COL4A6: variants seen among roughly 807,000 people sequenced by gnomAD.
COL4A6 encodes the protein collagen type IV alpha 6 chain, also known as collagen alpha-6(IV) chain.
In COL4A6, 59 loss-of-function variants were observed where a neutral mutation model predicts 126.7. The observed-to-expected ratio is 0.47, with a 90% CI of 0.38 to 0.58. COL4A6 has a LOEUF of 0.58. Ranked by LOEUF, COL4A6 falls within the 20% of genes least tolerant of loss-of-function variation. The probability of loss-of-function intolerance (pLI) is 0.00; values close to 1 mark genes in which losing one functional copy is unlikely to be tolerated. For synonymous variants in COL4A6, 547 were observed against 496.6 expected, an observed-to-expected ratio of 1.10 and a Z score of -1.35; for missense variants, 1,285 against 1,337.3, an observed-to-expected ratio of 0.96 and a Z score of 0.61.
chrX:108,382,954 C>T (rs2040590539), intron 2 of COL4A6, among the ~76,000 whole-genome samples: 1 of 44,743 alleles, frequency 2.2e-5, no homozygotes, highest in Non-Finnish European at 4.9e-5. Context: ...TCTCCATTCC[C>T]CCGCCAAAAA....
In COL4A6 at chrX:108,383,810, A is replaced by G. The variant is rs1009972786; in HGVS notation, c.63+54132T>C. 8 of 504,036 alleles carry G rather than the reference A, an allele frequency of 1.6e-5. No individual in the cohort carries two copies. In the African/African-American group the frequency reaches 1.9e-4, roughly 12 times the overall value. The allele number at this position is 504,036 out of a possible 1,213,427, so 41.5% of individuals were successfully genotyped here. ...GGAAGTAATGGAAACTCAAAACAATATGAGATTTTCAAAGGATCCCTCAAA... is the reference window on the plus strand; with the variant it reads ...GGAAGTAATGGAAACTCAAAACAATGTGAGATTTTCAAAGGATCCCTCAAA... On this transcript the variant is annotated intron_variant, in intron 2 of 44. Transcript: ENST00000334504.
Position 108,205,368 on chromosome X carries a change from C to T in COL4A6, c.687+71G>A, listed in dbSNP as rs1342709719. 1.2e-5 allele frequency: 10 copies of T among 851,937 alleles called. No homozygotes were observed. The Admixed American group carries it at 1.4e-4, about 12-fold the overall frequency. 70.2% of individuals were successfully genotyped at this position (851,937 alleles called of 1,213,427 possible). A position where few individuals can be genotyped will look rare whatever the true frequency, so the allele number is the denominator to read the frequency against. On this transcript the variant is annotated intron_variant, in intron 11 of 44. Transcript: ENST00000334504. Reference sequence around the variant, plus strand: ...AAACAAATCCTCTTACACAAGCAGGCACATGTGTGTAATCAGACACATTTC... The same window carrying T: ...AAACAAATCCTCTTACACAAGCAGGTACATGTGTGTAATCAGACACATTTC...
intron 2 of COL4A6, among the ~76,000 whole-genome samples, chrX:108,336,438 A>G (rs1474123597): frequency 1.8e-5 from 2 of 111,571 alleles, no homozygotes; most frequent in African/African-American, 6.5e-5. Context: ...GAAAGACTAA[A>G]TCCATAGAGA....
chrX:108,250,571 G>A (rs947361616), intron 3 of COL4A6, among the ~76,000 whole-genome samples: 7 of 110,279 alleles, frequency 6.3e-5, no homozygotes, highest in African/African-American at 2.3e-4. Context: ...AATCTCGGGA[G>A]GACAGGGCCC....
At position 108,169,582 on chromosome X, in the gene COL4A6, G is replaced by A; in HGVS notation, c.3604C>T (p.Pro1202Ser). Residue 1202 changes from proline (P) to serine (S), a missense_variant, in exon 37 of 45, where the codon CCT becomes TCT. By Grantham distance (74) the Pro-to-Ser change is moderately conservative (BLOSUM62 -1). Coordinates refer to ENST00000334504, the MANE Select transcript of COL4A6 (RefSeq NM_033641.4). ...TATCCTTTTTCTCCTTTGGGTCCAG[G>A]GAGACCAGCAGGCCCAGGCACACCG... ...ITGVPGPAGLPGPKGEKGYPG... is the reference protein window; with the variant it reads ...ITGVPGPAGLSGPKGEKGYPG... 8.3e-7 allele frequency: 1 copy of A among 1,211,358 alleles called. No individual in the cohort carries two copies. The highest frequency in any genetic ancestry group is 1.1e-6 in the Non-Finnish European group (1 of 895,382).
intron 2 of COL4A6, among the ~76,000 whole-genome samples, chrX:108,374,417 C>A (rs1353759623): frequency 8.9e-6 from 1 of 111,972 alleles, no homozygotes; most frequent in Non-Finnish European, 1.9e-5. Context: ...AATATAATAA[C>A]CACGGAAGAA....
At chrX:108,398,340 G>T (rs2041009352) in intron 2 of COL4A6, among the ~76,000 whole-genome samples, 1 of 111,397 alleles carries the variant, frequency 9.0e-6, no homozygotes, top group African/African-American at 3.3e-5. Flanking sequence ...GGTTGTCCAT[G>T]GTTCTGTACC....
At chrX:108,180,454 CA>C in intron 25 of COL4A6, 60 bp downstream of exon 25, 1 of 939,318 alleles carries the variant, frequency 1.1e-6, no homozygotes, top group Non-Finnish European at 1.5e-6. Context: ...TACACACACA[CA>C]CACACACACA....
chrX:108,246,957 G>A (rs1409315821), intron 3 of COL4A6, among the ~76,000 whole-genome samples: 1 of 111,467 alleles, frequency 9.0e-6, no homozygotes, highest in Non-Finnish European at 1.9e-5. Flanking sequence ...CTTGACATAG[G>A]GCCTTGCATA....
At position 108,261,418 on chromosome X, in the gene COL4A6, A is replaced by T. The variant is rs1272221626; in HGVS notation, c.145-40044T>A. On this transcript the variant is annotated intron_variant, in intron 3 of 44. Transcript: ENST00000334504. ...GCCATGAAGGCTCATCTCTGGAAGA[A>T]GTCTTAAAAATTTGAATTCATCTCT... Among the ~76,000 whole-genome samples, 3 of 111,419 alleles carry T rather than the reference A, an allele frequency of 2.7e-5. No homozygotes were observed. In the East Asian group the frequency reaches 8.5e-4, roughly 32 times the overall value.
chrX:108,339,278 G>T (rs1683310727), intron 2 of COL4A6, among the ~76,000 whole-genome samples: 1 of 112,247 alleles, frequency 8.9e-6, no homozygotes, highest in Non-Finnish European at 1.9e-5. Flanking sequence ...TAAGTTTATA[G>T]AAATAACTCT....
chrX:108,287,087 A>T (rs1442698947), intron 3 of COL4A6, among the ~76,000 whole-genome samples: 4 of 111,187 alleles, frequency 3.6e-5, no homozygotes, highest in Non-Finnish European at 7.6e-5. Context: ...ACCTACATGG[A>T]CTCTTACATC....
At chrX:108,255,804 T>C (rs1321555814) in intron 3 of COL4A6, among the ~76,000 whole-genome samples, 2 of 111,549 alleles carry the variant, frequency 1.8e-5, no homozygotes, top group Non-Finnish European at 3.8e-5. Context: ...TAACAACATA[T>C]ACCTTCACAG....
chrX:108,194,875 G>A (rs1188097064), intron 15 of COL4A6, among the ~76,000 whole-genome samples: 4 of 111,720 alleles, frequency 3.6e-5, no homozygotes, highest in Non-Finnish European at 7.5e-5. Flanking sequence ...CCACAGCATG[G>A]CATGGCAAGG....
chrX:108,187,936 C>T lies in COL4A6; in HGVS notation c.1679G>A (p.Gly560Asp). 4.1e-6 allele frequency: 5 copies of T among 1,210,212 alleles called. No individual in the cohort carries two copies. Among genetic ancestry groups the T allele is most frequent in the Non-Finnish European group, 4.5e-6 (4 of 894,542 alleles). Residue 560 changes from glycine (G) to aspartate (D), a missense_variant, in exon 22 of 45, where the codon GGT becomes GAT. Physicochemically the swap from Gly to Asp is moderately conservative, Grantham distance 94. Coordinates refer to ENST00000334504, the MANE Select transcript of COL4A6 (RefSeq NM_033641.4). The part of the protein sequence containing the change: ...STIQGMPGDR[G>D]DSGSQGFRGV... The stretch of plus-strand genomic sequence containing the variant: ...ACGGAAGCCCTGGGAGCCAGAATCA[C>T]CCCGATCTCCTGGCATTCCTTGGAT...
At chrX:108,235,254 G>T (rs2036404842) in intron 3 of COL4A6, among the ~76,000 whole-genome samples, 1 of 111,702 alleles carries the variant, frequency 9.0e-6, no homozygotes, top group Admixed American at 9.5e-5. Flanking sequence ...CCAGACTGGA[G>T]AGAGAGCCAG....
chrX:108,358,925 T>C (rs1226514961), intron 2 of COL4A6, among the ~76,000 whole-genome samples: 1 of 111,368 alleles, frequency 9.0e-6, no homozygotes, highest in Non-Finnish European at 1.9e-5. Flanking sequence ...GGGTGGTGCT[T>C]CTGGAGCAGG....
At chrX:108,312,645 C>A (rs936856408) in intron 2 of COL4A6, among the ~76,000 whole-genome samples, 4 of 112,017 alleles carry the variant, frequency 3.6e-5, no homozygotes, top group South Asian at 3.7e-4. Context: ...GTATTTCCTT[C>A]TCCATACATT....
chrX:108,224,951 G>T (rs988368737), intron 3 of COL4A6, among the ~76,000 whole-genome samples: 3 of 105,535 alleles, frequency 2.8e-5, no homozygotes, highest in Non-Finnish European at 5.8e-5. Flanking sequence ...CAGAGAAAAA[G>T]AAATCAAACC....
Sources: gnomAD v4.1 joint callset for allele counts (sites outside exome capture counted in the v4.1 genomes callset) on GRCh38, gnomAD v4.1.1 for gene constraint, MANE v1.5 for transcripts, NCBI Gene and HGNC (gene_info 2026-07-23, HGNC 2026-07-21) for gene names.